The following AGAP1 variants were observed in gnomAD, a reference collection of about 807,000 sequenced individuals.
The protein encoded by AGAP1 is arf-GAP with GTPase, ANK repeat and PH domain-containing protein 1.
In AGAP1, 29 loss-of-function variants were observed where a neutral mutation model predicts 105.3. The ratio of observed to expected loss-of-function variants is 0.28; its 90% confidence interval spans 0.21 to 0.38. The LOEUF (loss-of-function observed/expected upper bound fraction) is 0.38, where lower values mean the gene tolerates loss of function less well. Among genes scored for constraint, AGAP1 ranks in the 10% least tolerant of loss-of-function variants. AGAP1 has a pLI of 1.00. For missense variants in AGAP1, 998 were observed against 1,165.1 expected, an observed-to-expected ratio of 0.86 and a Z score of 2.09; for synonymous variants, 509 against 485.9, an observed-to-expected ratio of 1.05 and a Z score of -0.63.
intron 1 of AGAP1, among the ~76,000 whole-genome samples, chr2:235,644,959 G>A (rs1289748836): frequency 7.9e-5 from 12 of 151,540 alleles, no homozygotes; most frequent in African/African-American, 2.2e-4. Context: ...GCAATGGCGC[G>A]ATCTGGGCTC....
chr2:236,107,223 C>T (rs11900976), intron 16 of AGAP1, among the ~76,000 whole-genome samples: 11,641 of 151,580 alleles, frequency 0.077, 1,444 homozygotes, highest in African/African-American at 0.26. Context: ...AGGGTGGCTG[C>T]CCAGGGCCCC....
intron 13 of AGAP1, among the ~76,000 whole-genome samples, chr2:236,025,370 T>C (rs1313795507): frequency 2.0e-5 from 3 of 152,126 alleles, no homozygotes; most frequent in Non-Finnish European, 4.4e-5. Context: ...TAGTTGCTCA[T>C]AAGTAAAATG....
rs72986860 is a variant in AGAP1 at position 235,578,800 on chromosome 2, A to T, written c.163+83951A>T. 0.014 allele frequency among the ~76,000 whole-genome samples: 1,937 copies of T among 139,740 alleles called. 54 individuals are homozygous for T. Among genetic ancestry groups the T allele is most frequent in the African/African-American group, 0.05 (1,805 of 36,130 alleles). 91.7% of individuals were successfully genotyped at this position (139,740 alleles called of 152,430 possible). A position where few individuals can be genotyped will look rare whatever the true frequency, so the allele number is the denominator to read the frequency against. The stretch of plus-strand genomic sequence containing the variant: ...ACTCAGTCTCAAAAAAAAAAAAAAA[A>T]TTTTTTTTTTACAATAAGCTATTTA... On this transcript the variant is annotated intron_variant, in intron 1 of 17. Transcript: ENST00000304032. This position sits in a 1 kb window ranked among gnomAD's most constrained non-coding sequence, Gnocchi z 4.9.
intron 1 of AGAP1, among the ~76,000 whole-genome samples, chr2:235,548,356 T>TA (rs1197187921): frequency 1.3e-5 from 2 of 152,134 alleles, no homozygotes; most frequent in Non-Finnish European, 2.9e-5. Flanking sequence ...CTCTCCAACT[T>TA]ACCTTCAGAA....
At position 236,044,836 on chromosome 2, in the gene AGAP1, T is replaced by C. The variant is rs924059784; in HGVS notation, c.1891+3995T>C. Among the ~76,000 whole-genome samples the C allele has an allele frequency of 6.6e-6, 1 of 152,104 alleles. No homozygotes were observed. Among genetic ancestry groups the C allele is most frequent in the African/African-American group, 2.4e-5 (1 of 41,426 alleles). Reference sequence around the variant, plus strand: ...CCCTGGGGGCTTCCTGGCTCTGGTGTATCCTAGAATTTTCTTAGCTCTTTT... The same window carrying C: ...CCCTGGGGGCTTCCTGGCTCTGGTGCATCCTAGAATTTTCTTAGCTCTTTT... On this transcript the variant is annotated intron_variant, in intron 15 of 17. Transcript: ENST00000304032. The surrounding 1 kb of genome is among the most constrained non-coding windows in gnomAD (Gnocchi z 5.7).
At chr2:235,932,031 G>A (rs572837645) in intron 12 of AGAP1, among the ~76,000 whole-genome samples, 1 of 152,308 alleles carries the variant, frequency 6.6e-6, no homozygotes, top group East Asian at 1.9e-4. Context: ...CTTCTTCAAG[G>A]GCTCTCTAAG....
chr2:235,910,029 A>G (rs1012838922), intron 11 of AGAP1, among the ~76,000 whole-genome samples: 1 of 147,218 alleles, frequency 6.8e-6, no homozygotes, highest in East Asian at 2.1e-4. Flanking sequence ...AAAAAAAAAA[A>G]CAGATTTCTC....
chr2:235,771,020 T>C (rs1177941574), intron 6 of AGAP1, among the ~76,000 whole-genome samples: 1 of 152,118 alleles, frequency 6.6e-6, no homozygotes, highest in Non-Finnish European at 1.5e-5. Flanking sequence ...GCAGAGGAGT[T>C]TGAAGATGCT....
rs1018895030 is a variant in AGAP1, at chr2:235,753,288, T to G, written c.673+2800T>G. Among the ~76,000 whole-genome samples, 1 of 152,206 alleles carries G rather than the reference T, an allele frequency of 6.6e-6. No homozygotes were observed. The highest frequency in any genetic ancestry group is 1.5e-5 in the Non-Finnish European group (1 of 68,036). On this transcript the variant is annotated intron_variant, in intron 6 of 17. Transcript: ENST00000304032. This position sits in a 1 kb window ranked among gnomAD's most constrained non-coding sequence, Gnocchi z 4.5. ...GTTTAAAATATTCAGAAAAAGCGTT[T>G]CCGTTACTGTGACAGCTCATGTCGC...
rs540661473 is a variant in AGAP1 at position 235,877,821 on chromosome 2, A to G, written c.1051-5524A>G. Among the ~76,000 whole-genome samples, 21 of 152,316 alleles carry G rather than the reference A, an allele frequency of 1.4e-4. No homozygotes were observed. The South Asian group carries it at 4.4e-3, about 32-fold the overall frequency. ...ATTGATCCCTCCCCCTCTTGGGTAC[A>G]CCCAACCACTGGTCTAAAGTGGGCC... On this transcript the variant is annotated intron_variant, in intron 9 of 17. Coordinates refer to ENST00000304032, the MANE Select transcript of AGAP1 (RefSeq NM_001037131.3). This position sits in a 1 kb window ranked among gnomAD's most constrained non-coding sequence, Gnocchi z 4.3.
chr2:235,852,672 C>T (rs1443030277), intron 9 of AGAP1: 3 of 1,439,998 alleles, frequency 2.1e-6, no homozygotes, highest in Admixed American at 3.0e-5. Flanking sequence ...TTTTTATCTC[C>T]TTTCTCTCCC....
rs1419830616 is a variant in AGAP1 at position 235,700,401 on chromosome 2, C to A, written c.164-8778C>A. Reference sequence around the variant, plus strand: ...TGCTTTGATTCTCTCAGACGTGAATCCTTTAAGCAGTGCTTTACACACCCA... The same window carrying A: ...TGCTTTGATTCTCTCAGACGTGAATACTTTAAGCAGTGCTTTACACACCCA... On this transcript the variant is annotated intron_variant, in intron 1 of 17. Transcript: ENST00000304032. This position sits in a 1 kb window ranked among gnomAD's most constrained non-coding sequence, Gnocchi z 6.1. 1.3e-5 allele frequency among the ~76,000 whole-genome samples: 2 copies of A among 152,172 alleles called. No homozygotes were observed. The highest frequency in any genetic ancestry group is 4.8e-5 in the African/African-American group (2 of 41,432).
At position 236,069,573 on chromosome 2, in the gene AGAP1, G is replaced by T. The variant is rs572506110; in HGVS notation, c.2114+20292G>T. Among the ~76,000 whole-genome samples the T allele has an allele frequency of 4.6e-5, 7 of 152,242 alleles. No individual in the cohort carries two copies. The East Asian group carries it at 1.4e-3, about 29-fold the overall frequency. Reference sequence around the variant, plus strand: ...CAAATAGCTGGGATTACAGGCACACGCCACCACGCCTGGCTAACTTTTGTA... The same window carrying T: ...CAAATAGCTGGGATTACAGGCACACTCCACCACGCCTGGCTAACTTTTGTA... On this transcript the variant is annotated intron_variant, in intron 16 of 17. Transcript: ENST00000304032.
At position 235,739,179 on chromosome 2, in the gene AGAP1, G is replaced by A. The variant is rs1398315996; in HGVS notation, c.311-1784G>A. On this transcript the variant is annotated intron_variant, in intron 3 of 17. Coordinates refer to ENST00000304032, the MANE Select transcript of AGAP1 (RefSeq NM_001037131.3). This position sits in a 1 kb window ranked among gnomAD's most constrained non-coding sequence, Gnocchi z 5.3. ...ACTGAGATGGGGCGAGGTGGGGCAAGACTACACAGCTGTATGTGGCAGAGC... is the reference window on the plus strand; with the variant it reads ...ACTGAGATGGGGCGAGGTGGGGCAAAACTACACAGCTGTATGTGGCAGAGC... Among the ~76,000 whole-genome samples, 1 of 151,960 alleles carries A rather than the reference G, an allele frequency of 6.6e-6. No homozygotes were observed. Among genetic ancestry groups the A allele is most frequent in the Non-Finnish European group, 1.5e-5 (1 of 68,032 alleles).
At chr2:235,554,620 A>G (rs1943916459) in intron 1 of AGAP1, among the ~76,000 whole-genome samples, 1 of 152,206 alleles carries the variant, frequency 6.6e-6, no homozygotes, top group Admixed American at 6.5e-5. Context: ...CCTTGATGCC[A>G]CTTGGAGCTG....
chr2:235,826,484 C>T (rs989154376), intron 9 of AGAP1, among the ~76,000 whole-genome samples: 8 of 152,032 alleles, frequency 5.3e-5, no homozygotes. Flanking sequence ...TCTTGCTGCT[C>T]TGTCACCCAG....
rs117931624 is a variant in AGAP1, at chr2:235,790,742, C to T, written c.674-7017C>T. Among the ~76,000 whole-genome samples the T allele has an allele frequency of 8.1e-4, 123 of 152,322 alleles. 2 individuals are homozygous for T. In the East Asian group the frequency reaches 0.019, roughly 24 times the overall value. ...ACTGTTGACTCATCCATTCATTCAT[C>T]CAGTTGTTGTGTGCCCACTGAGTGT... On this transcript the variant is annotated intron_variant, in intron 6 of 17. Coordinates refer to ENST00000304032, the MANE Select transcript of AGAP1 (RefSeq NM_001037131.3).
intron 13 of AGAP1, among the ~76,000 whole-genome samples, chr2:235,984,629 T>C (rs1263629487): frequency 6.6e-6 from 1 of 151,626 alleles, no homozygotes; most frequent in Non-Finnish European, 1.5e-5. Flanking sequence ...CAGGCCCTGG[T>C]GTGTATTGTT....
intron 1 of AGAP1, among the ~76,000 whole-genome samples, chr2:235,543,293 G>T (rs1483488762): frequency 6.6e-6 from 1 of 152,164 alleles, no homozygotes; most frequent in Admixed American, 6.5e-5. Flanking sequence ...GGCAGCATCA[G>T]TGAGAAATGC....
Sources: allele counts gnomAD v4.1 joint callset (sites outside exome capture counted in the v4.1 genomes callset), GRCh38; gene constraint gnomAD v4.1.1; non-coding constraint Gnocchi (gnomAD v3.1); transcripts MANE v1.5; gene names NCBI Gene and HGNC (gene_info 2026-07-23, HGNC 2026-07-21).